The following TNRC6B variants were observed in gnomAD, a reference collection of about 807,000 sequenced individuals.
The protein encoded by TNRC6B is trinucleotide repeat-containing gene 6B protein.
In TNRC6B, 52 loss-of-function variants were observed where a neutral mutation model predicts 203.6. The observed-to-expected ratio is 0.26, with a 90% CI of 0.20 to 0.32. TNRC6B has a LOEUF of 0.32. TNRC6B is among the 10% of genes least tolerant of loss of function. The pLI, the probability that TNRC6B is intolerant of heterozygous loss-of-function variation, is 1.00. For synonymous variants in TNRC6B, 838 were observed against 845.7 expected (o/e 0.99, Z 0.16); for missense variants, 1,923 against 2,286.2 (o/e 0.84, Z 3.24).
At chr22:40,063,368 T>C (rs1465291829) in intron 1 of TNRC6B, among the ~76,000 whole-genome samples, 1 of 152,228 alleles carries the variant, frequency 6.6e-6, no homozygotes, top group African/African-American at 2.4e-5. Context: ...TCCTCCAACT[T>C]TGTTCTTTTT....
chr22:40,241,647 C>T (rs901541610), intron 1 of TNRC6B, among the ~76,000 whole-genome samples: 2 of 152,124 alleles, frequency 1.3e-5, no homozygotes, highest in African/African-American at 4.8e-5. Flanking sequence ...TGAATTTGTC[C>T]CATAGCTGAT....
At chr22:40,117,686 G>A (rs952994107) in intron 2 of TNRC6B, among the ~76,000 whole-genome samples, 2 of 152,010 alleles carry the variant, frequency 1.3e-5, no homozygotes, top group Admixed American at 6.6e-5. Flanking sequence ...CTTGGTTGAT[G>A]CTTTTCTCTT....
At position 40,304,450 on chromosome 22, in the gene TNRC6B, A is replaced by G. The variant is rs533065037; in HGVS notation, c.4120+3117A>G. On this transcript the variant is annotated intron_variant, in intron 15 of 22. Coordinates refer to ENST00000454349, the MANE Select transcript of TNRC6B (RefSeq NM_001162501.2). Reference sequence around the variant, plus strand: ...GAATACCTAATTGAATTGTTAGGTGATAATGACCTATCTAAAAATTATATT... The same window carrying G: ...GAATACCTAATTGAATTGTTAGGTGGTAATGACCTATCTAAAAATTATATT... Among the ~76,000 whole-genome samples, 3 of 152,352 alleles carry G rather than the reference A, an allele frequency of 2.0e-5. No homozygotes were observed. In the South Asian group the frequency reaches 6.2e-4, roughly 32 times the overall value.
intron 3 of TNRC6B, among the ~76,000 whole-genome samples, chr22:40,128,678 C>A (rs1050543680): frequency 1.3e-5 from 2 of 150,022 alleles, no homozygotes; most frequent in Non-Finnish European, 2.9e-5. Context: ...TGTGTGCCAC[C>A]ACACCTGGCT....
chr22:40,247,162 T>G (rs1171448399), intron 2 of TNRC6B, among the ~76,000 whole-genome samples: 1 of 152,170 alleles, frequency 6.6e-6, no homozygotes, highest in Non-Finnish European at 1.5e-5. Flanking sequence ...GCAGGGTTGC[T>G]TTGGTACCTT....
At chr22:40,060,420 G>T (rs2067839942) in intron 1 of TNRC6B, among the ~76,000 whole-genome samples, 2 of 152,056 alleles carry the variant, frequency 1.3e-5, no homozygotes, top group African/African-American at 4.8e-5. Context: ...AGGATTACGG[G>T]CATGAGCCAC....
At chr22:40,317,155 C>T (rs927588588) in intron 21 of TNRC6B, among the ~76,000 whole-genome samples, 11 of 152,206 alleles carry the variant, frequency 7.2e-5, no homozygotes, top group Non-Finnish European at 1.6e-4. Flanking sequence ...TAATATGGAT[C>T]TCATGCATCA....
intron 1 of TNRC6B, among the ~76,000 whole-genome samples, chr22:40,068,910 A>G (rs938083443): frequency 5.3e-5 from 8 of 151,956 alleles, no homozygotes; most frequent in Non-Finnish European, 1.2e-4. Flanking sequence ...ATCCATATAT[A>G]TGAGGTGGAC....
At chr22:40,073,131 T>C (rs1384587868) in intron 1 of TNRC6B, among the ~76,000 whole-genome samples, 2 of 148,180 alleles carry the variant, frequency 1.3e-5, no homozygotes, top group Admixed American at 6.8e-5. Context: ...TACACATACA[T>C]AGGGCCTTGG....
intron 1 of TNRC6B, among the ~76,000 whole-genome samples, chr22:40,062,262 G>A (rs1169465642): frequency 3.3e-5 from 5 of 152,036 alleles, no homozygotes; most frequent in Non-Finnish European, 7.4e-5. Context: ...GTGCAGTGGC[G>A]TGATCTGGGC....
chr22:40,219,402 AGACAGGAGGCCAGCAGGAGGGTG>A (rs560802092), intron 1 of TNRC6B, among the ~76,000 whole-genome samples: 140 of 152,232 alleles, frequency 9.2e-4, no homozygotes, highest in South Asian at 6.6e-3. Flanking sequence ...TTGGGAATGA[AGACAGGAGGCCAGCAGGAGGGTG>A]GACAGGAGGC....
At chr22:40,253,618 A>G (rs1481597105) in intron 3 of TNRC6B, 1 of 456,456 alleles carries the variant, frequency 2.2e-6, no homozygotes, top group South Asian at 1.5e-5. Flanking sequence ...ATAACATAAA[A>G]TAATCCTAAA....
intron 1 of TNRC6B, among the ~76,000 whole-genome samples, chr22:40,235,407 T>C (rs1232045347): frequency 1.3e-5 from 2 of 152,170 alleles, no homozygotes; most frequent in East Asian, 1.9e-4. Context: ...AGGAAATTGC[T>C]GTTACAGGGG....
At chr22:40,272,073 C>A (rs952600608) in intron 6 of TNRC6B, among the ~76,000 whole-genome samples, 19 of 152,092 alleles carry the variant, frequency 1.2e-4, no homozygotes, top group African/African-American at 4.3e-4. Flanking sequence ...GTTTTTAGCT[C>A]GTGTTGCTTG....
rs2068466473 is a variant in TNRC6B, at chr22:40,123,986, CAT to C, written c.-46-1785_-46-1784del. The stretch of plus-strand genomic sequence containing the variant: ...ATTTTCACTTGCTGTGAGCATCCCT[CAT>C]GTGTTTTACAGAGAGGATGGGCAAT... On this transcript the variant is annotated intron_variant, in intron 2 of 23. Transcript: ENST00000301923. Among the ~76,000 whole-genome samples the C allele has an allele frequency of 4.0e-5, 6 of 151,004 alleles. No individual in the cohort carries two copies. In the South Asian group the frequency reaches 8.4e-4, roughly 21 times the overall value.
At chr22:40,321,982 A>T (rs751380990) in intron 22 of TNRC6B, among the ~76,000 whole-genome samples, 51 of 152,110 alleles carry the variant, frequency 3.4e-4, no homozygotes, top group Non-Finnish European at 6.3e-4. Context: ...TGGACGGAGA[A>T]GACCTGACTG....
At chr22:40,254,730 A>G (rs544459919) in intron 3 of TNRC6B, among the ~76,000 whole-genome samples, 3 of 152,292 alleles carry the variant, frequency 2.0e-5, no homozygotes, top group African/African-American at 7.2e-5. Flanking sequence ...TACTAAAAAT[A>G]CAAAAAATTA....
At chr22:40,181,817 G>A (rs967277140) in intron 1 of TNRC6B, among the ~76,000 whole-genome samples, 7 of 152,030 alleles carry the variant, frequency 4.6e-5, no homozygotes, top group Admixed American at 1.3e-4. Flanking sequence ...GGTGGCTCAC[G>A]CCTGTCATCT....
At chr22:40,101,379 C>T (rs2068240188) in intron 1 of TNRC6B, among the ~76,000 whole-genome samples, 1 of 152,130 alleles carries the variant, frequency 6.6e-6, no homozygotes, top group Admixed American at 6.5e-5. Flanking sequence ...CCGGCGCCAC[C>T]CCCAGCATTT....
Sources: allele counts gnomAD v4.1 joint callset (sites outside exome capture counted in the v4.1 genomes callset), GRCh38; gene constraint gnomAD v4.1.1; transcripts MANE v1.5; gene names NCBI Gene and HGNC (gene_info 2026-07-23, HGNC 2026-07-21).